CPNE5: variants seen among roughly 807,000 people sequenced by gnomAD.
CPNE5 encodes the protein copine 5.
A neutral mutation model predicts 81.1 loss-of-function variants in CPNE5; 42 were observed. The ratio of observed to expected loss-of-function variants is 0.52; its 90% CI spans 0.40 to 0.67. The LOEUF (loss-of-function observed/expected upper bound fraction) is 0.67. Among genes scored for constraint, CPNE5 ranks in the 30% least tolerant of loss-of-function variants. The probability of loss-of-function intolerance (pLI) is 0.00; values close to 1 mark genes in which losing one functional copy is unlikely to be tolerated. For synonymous variants in CPNE5, 313 were observed against 321.5 expected, an observed-to-expected ratio of 0.97 and a Z score of 0.28; for missense variants, 612 against 815.5, an observed-to-expected ratio of 0.75 and a Z score of 3.04.
intron 19 of CPNE5, 35 bp from the exon 20 acceptor site, chr6:36,743,797 A>T (rs1016222854): frequency 1.3e-6 from 2 of 1,572,964 alleles, no homozygotes; most frequent in Non-Finnish European, 1.7e-6. Flanking sequence ...GCGGGGTGAG[A>T]TTAACGGTGG....
intron 14 of CPNE5, among the ~76,000 whole-genome samples, chr6:36,750,348 C>A (rs998523595): frequency 3.3e-4 from 50 of 152,150 alleles, no homozygotes; most frequent in African/African-American, 1.2e-3. Flanking sequence ...CCCTCACTCA[C>A]CCCCAGGGAA....
At chr6:36,838,866 G>T (rs1773769640) in intron 1 of CPNE5, 1 of 335,072 alleles carries the variant, frequency 3.0e-6, no homozygotes, top group Non-Finnish European at 4.2e-6. Flanking sequence ...AGAGAGGAGG[G>T]CACAGAAGGG....
intron 11 of CPNE5, 113 bp from the exon 12 acceptor site, chr6:36,763,105 T>C: frequency 1.1e-6 from 1 of 900,572 alleles, no homozygotes; most frequent in Non-Finnish European, 1.8e-6. Context: ...GGGACTCCAC[T>C]CCAGGGGCAC....
intron 3 of CPNE5, among the ~76,000 whole-genome samples, chr6:36,811,749 G>A (rs1266968896): frequency 6.6e-6 from 1 of 152,056 alleles, no homozygotes; most frequent in Non-Finnish European, 1.5e-5. Context: ...AGGGAGGCAG[G>A]GGCTACACAC....
intron 15 of CPNE5, among the ~76,000 whole-genome samples, chr6:36,747,921 G>T (rs1307671454): frequency 6.6e-6 from 1 of 152,206 alleles, no homozygotes; most frequent in Non-Finnish European, 1.5e-5. Context: ...TGATCCCGGG[G>T]GGAAACATCT....
At chr6:36,795,326 G>C (rs557469536) in intron 6 of CPNE5, among the ~76,000 whole-genome samples, 3 of 152,034 alleles carry the variant, frequency 2.0e-5, no homozygotes, top group Admixed American at 2.0e-4. Context: ...CTACAGGCAC[G>C]CACCACCATG....
At chr6:36,816,308 C>G (rs1771538459) in intron 3 of CPNE5, among the ~76,000 whole-genome samples, 1 of 152,226 alleles carries the variant, frequency 6.6e-6, no homozygotes, top group Non-Finnish European at 1.5e-5. Context: ...AAAATTACAT[C>G]TTGAGTCAAT....
At chr6:36,759,768 A>C (rs973826773) in intron 12 of CPNE5, among the ~76,000 whole-genome samples, 2 of 151,896 alleles carry the variant, frequency 1.3e-5, no homozygotes, top group Non-Finnish European at 2.9e-5. Flanking sequence ...GGAGGCACCC[A>C]TATGAATCGA....
At chr6:36,743,601 C>A in intron 20 of CPNE5, 88 bp downstream of exon 20, 1 of 1,313,536 alleles carries the variant, frequency 7.6e-7, no homozygotes, top group Non-Finnish European at 1.1e-6. Flanking sequence ...GGGCCCTTCA[C>A]CAGGGAAGCC....
intron 1 of CPNE5, among the ~76,000 whole-genome samples, chr6:36,838,131 G>A (rs373948059): frequency 1.3e-5 from 2 of 152,166 alleles, no homozygotes; most frequent in East Asian, 1.9e-4. Flanking sequence ...CCTCCTTCAC[G>A]CCCCTGCCCA....
chr6:36,743,078 A>G, intron 20 of CPNE5: 1 of 985,234 alleles, frequency 1.0e-6, no homozygotes, highest in Non-Finnish European at 1.2e-6. Flanking sequence ...TGGTCTCCAC[A>G]CCTGGGATAC....
chr6:36,822,397 C>T (rs1038602702), intron 2 of CPNE5, among the ~76,000 whole-genome samples: 1 of 152,018 alleles, frequency 6.6e-6, no homozygotes, highest in Non-Finnish European at 1.5e-5. Flanking sequence ...GTTGTAGATG[C>T]ACCGATTCGG....
intron 1 of CPNE5, among the ~76,000 whole-genome samples, chr6:36,835,850 C>T (rs1004852631): frequency 6.6e-6 from 1 of 151,816 alleles, no homozygotes; most frequent in Non-Finnish European, 1.5e-5. Context: ...CTCCAGGACA[C>T]ACACAGACCC....
At chr6:36,835,390 A>G (rs1186087387) in intron 1 of CPNE5, among the ~76,000 whole-genome samples, 1 of 152,214 alleles carries the variant, frequency 6.6e-6, no homozygotes, top group Admixed American at 6.5e-5. Context: ...AGAGGAAGGA[A>G]GAGCTCTTGG....
chr6:36,838,804 G>A (rs1389799839), intron 1 of CPNE5: 2 of 964,202 alleles, frequency 2.1e-6, no homozygotes, highest in Non-Finnish European at 2.5e-6. Flanking sequence ...GGGTGGGGGA[G>A]ACTGGTGAGG....
At chr6:36,807,523 G>A (rs1170592409) in intron 3 of CPNE5, among the ~76,000 whole-genome samples, 1 of 152,194 alleles carries the variant, frequency 6.6e-6, no homozygotes, top group Non-Finnish European at 1.5e-5. Flanking sequence ...CAGCCATCCA[G>A]GAACTGTGTT....
At position 36,766,044 on chromosome 6, in the gene CPNE5, G is replaced by T. The variant is rs954675269; in HGVS notation, c.738-668C>A. Reference sequence around the variant, plus strand: ...CACGTTCCCATGGCAACAGGCTAGCGGACCAGAGCTGGGAGGAGGGAGGTG... The same window carrying T: ...CACGTTCCCATGGCAACAGGCTAGCTGACCAGAGCTGGGAGGAGGGAGGTG... On this transcript the variant is annotated intron_variant, in intron 10 of 20. Coordinates refer to ENST00000244751, the MANE Select transcript of CPNE5 (RefSeq NM_020939.2). The surrounding 1 kb of genome is among the most constrained non-coding windows in gnomAD (Gnocchi z 4.2). Among the ~76,000 whole-genome samples, 1 of 152,186 alleles carries T rather than the reference G, an allele frequency of 6.6e-6. No homozygotes were observed. The highest frequency in any genetic ancestry group is 1.5e-5 in the Non-Finnish European group (1 of 68,032).
At chr6:36,783,053 G>A (rs1339936051) in intron 8 of CPNE5, among the ~76,000 whole-genome samples, 1 of 152,164 alleles carries the variant, frequency 6.6e-6, no homozygotes, top group Non-Finnish European at 1.5e-5. Flanking sequence ...GGTCCACAGT[G>A]CCTCACACAG....
At chr6:36,810,780 C>A (rs1430745743) in intron 3 of CPNE5, among the ~76,000 whole-genome samples, 1 of 152,186 alleles carries the variant, frequency 6.6e-6, no homozygotes, top group African/African-American at 2.4e-5. Context: ...AGGGAGTGAG[C>A]CATGACCTTG....
Sources: allele counts gnomAD v4.1 joint callset (sites outside exome capture counted in the v4.1 genomes callset), GRCh38; gene constraint gnomAD v4.1.1; non-coding constraint Gnocchi (gnomAD v3.1); transcripts MANE v1.5; gene names NCBI Gene and HGNC (gene_info 2026-07-23, HGNC 2026-07-21).